Variants in APBB2 observed in about 807,000 individuals in gnomAD.
The protein encoded by APBB2 is Fe65-like 1.
In APBB2, 38 loss-of-function variants were observed where a neutral mutation model predicts 82.5. The ratio of observed to expected loss-of-function variants is 0.46; its 90% CI spans 0.36 to 0.60. The LOEUF is 0.60. Ranked by LOEUF, APBB2 falls within the 20% of genes least tolerant of loss-of-function variation. APBB2 has a pLI of 0.00. For missense variants in APBB2, 772 were observed against 972.3 expected, an observed-to-expected ratio of 0.79 and a Z score of 2.74; for synonymous variants, 341 against 368.2, an observed-to-expected ratio of 0.93 and a Z score of 0.85.
At chr4:41,171,822 G>A (rs1001762538) in intron 1 of APBB2, among the ~76,000 whole-genome samples, 74 of 151,938 alleles carry the variant, frequency 4.9e-4, no homozygotes, top group Admixed American at 2.2e-3. Context: ...TTAGCTGGGC[G>A]TGGTGGCAGC....
intron 1 of APBB2, among the ~76,000 whole-genome samples, chr4:41,185,873 T>C (rs1772754956): frequency 6.6e-6 from 1 of 152,160 alleles, no homozygotes; most frequent in Non-Finnish European, 1.5e-5. Context: ...TTTCATTTCT[T>C]TACACAGCAC....
intron 3 of APBB2, among the ~76,000 whole-genome samples, chr4:41,095,478 T>C (rs138263539): frequency 7.2e-5 from 11 of 152,324 alleles, no homozygotes; most frequent in South Asian, 4.1e-4. Flanking sequence ...AACGAGCCCA[T>C]TGACATACAG....
intron 12 of APBB2, among the ~76,000 whole-genome samples, chr4:40,867,873 T>A (rs1764426259): frequency 6.6e-6 from 1 of 152,026 alleles, no homozygotes; most frequent in African/African-American, 2.4e-5. Context: ...GCTTTTTTTT[T>A]TTTTTTTAAG....
At chr4:41,037,638 G>C (rs1380354490) in intron 4 of APBB2, among the ~76,000 whole-genome samples, 1 of 152,082 alleles carries the variant, frequency 6.6e-6, no homozygotes, top group African/African-American at 2.4e-5. Flanking sequence ...TTTTTAACGT[G>C]GTACTAGAAA....
intron 6 of APBB2, among the ~76,000 whole-genome samples, chr4:41,010,030 A>T (rs1807875117): frequency 6.6e-6 from 1 of 152,240 alleles, no homozygotes; most frequent in Non-Finnish European, 1.5e-5. Flanking sequence ...TCTATGTATT[A>T]CCTGAAACCT....
At chr4:41,159,955 G>GAGGAGA (rs1764534299) in intron 1 of APBB2, among the ~76,000 whole-genome samples, 3 of 48,788 alleles carry the variant, frequency 6.1e-5, no homozygotes, top group Admixed American at 2.3e-4. Flanking sequence ...GAAGGAGAAG[G>GAGGAGA]AGAAGGAGAA....
At position 41,179,707 on chromosome 4, in the gene APBB2, C is replaced by T. The variant is rs145939621; in HGVS notation, c.-417+34698G>A. ...ATGCAGAATTACTGCCGTATTAATA[C>T]TCCCTGAAGATAAATCACTAAAGAC... On this transcript the variant is annotated intron_variant, in intron 1 of 17. Coordinates refer to ENST00000508593, the MANE Select transcript of APBB2 (RefSeq NM_004307.2). Among the ~76,000 whole-genome samples the T allele has an allele frequency of 1.7e-3, 263 of 152,290 alleles. 1 individual carries two copies. Among genetic ancestry groups the T allele is most frequent in the African/African-American group, 6.2e-3 (257 of 41,554 alleles).
intron 1 of APBB2, among the ~76,000 whole-genome samples, chr4:41,180,614 C>T (rs911963655): frequency 6.6e-6 from 1 of 152,152 alleles, no homozygotes; most frequent in Non-Finnish European, 1.5e-5. Flanking sequence ...CACCACTACA[C>T]TCCAGCCTGG....
chr4:41,198,422 T>C, intron 1 of APBB2, among the ~76,000 whole-genome samples: 5 of 152,336 alleles, frequency 3.3e-5, no homozygotes, highest in African/African-American at 1.2e-4. Flanking sequence ...TTGAAACAAT[T>C]GGTTTTTGAA....
chr4:40,955,920 C>T (rs140212109), intron 6 of APBB2, among the ~76,000 whole-genome samples: 2,209 of 152,082 alleles, frequency 0.015, 57 homozygotes, highest in African/African-American at 0.051. Flanking sequence ...GGATTACAGG[C>T]GTGTGCCACC....
intron 2 of APBB2, among the ~76,000 whole-genome samples, chr4:41,112,851 G>T (rs1428784645): frequency 6.6e-6 from 1 of 152,148 alleles, no homozygotes; most frequent in Non-Finnish European, 1.5e-5. Context: ...GCCGGGTGTG[G>T]TGGCATGCAC....
chr4:41,047,096 A>G (rs574900546), intron 4 of APBB2, among the ~76,000 whole-genome samples: 1 of 152,356 alleles, frequency 6.6e-6, no homozygotes, highest in Non-Finnish European at 1.5e-5. Context: ...TTGTTTAAGT[A>G]GCTCCATTGC....
chr4:40,862,144 G>A (rs992449267), intron 12 of APBB2, among the ~76,000 whole-genome samples: 13 of 152,074 alleles, frequency 8.5e-5, no homozygotes, highest in African/African-American at 2.9e-4. Context: ...CTGATATAAC[G>A]TGCAACAGCC....
chr4:41,141,314 CTGTGTGTG>C (rs754627377), intron 2 of APBB2, among the ~76,000 whole-genome samples: 1 of 27,638 alleles, frequency 3.6e-5, no homozygotes, highest in Non-Finnish European at 7.9e-5. Context: ...ATGTGTGTGT[CTGTGTGTG>C]TGTGTGTGTC....
chr4:41,013,947 TCTC>T lies in APBB2; in HGVS notation c.468_470del (p.Arg157del). 2 of 1,614,148 alleles carry T rather than the reference TCTC, an allele frequency of 1.2e-6. No homozygotes were observed. Among genetic ancestry groups the T allele is most frequent in the Non-Finnish European group, 1.7e-6 (2 of 1,180,042 alleles). On this transcript the variant is annotated inframe_deletion, in exon 6 of 18. Transcript: ENST00000508593. Reference sequence around the variant, plus strand: ...CATAGTAATTTAGGAAGCTCTTAGTTCTCCTGGGCTGGGAGGGTAAAATCTCAC... The same window carrying T: ...CATAGTAATTTAGGAAGCTCTTAGTTCTGGGCTGGGAGGGTAAAATCTCAC...
intron 2 of APBB2, among the ~76,000 whole-genome samples, chr4:41,119,916 T>C (rs1752288493): frequency 6.6e-6 from 1 of 152,344 alleles, no homozygotes; most frequent in Admixed American, 6.5e-5. Context: ...ACAGATGCCA[T>C]TTGATAATAT....
intron 12 of APBB2, among the ~76,000 whole-genome samples, chr4:40,851,739 T>TATATATATATATA (rs57639176): frequency 5.8e-5 from 2 of 34,776 alleles, no homozygotes; most frequent in African/African-American, 1.7e-4. Flanking sequence ...TATATATATA[T>TATATATATATATA]TTTTTTTTTT....
At chr4:41,036,041 C>T (rs543721798) in intron 4 of APBB2, among the ~76,000 whole-genome samples, 147 of 152,074 alleles carry the variant, frequency 9.7e-4, no homozygotes, top group Non-Finnish European at 1.7e-3. Context: ...CACTTGTATC[C>T]CAGCTACTCA....
intron 6 of APBB2, among the ~76,000 whole-genome samples, chr4:40,996,092 A>G (rs2154416246): frequency 6.6e-6 from 1 of 152,314 alleles, no homozygotes; most frequent in East Asian, 1.9e-4. Flanking sequence ...TCAGTTTGTG[A>G]GTGCTCAAGC....
Sources: gnomAD v4.1 joint callset for allele counts (sites outside exome capture counted in the v4.1 genomes callset) on GRCh38, gnomAD v4.1.1 for gene constraint, MANE v1.5 for transcripts, NCBI Gene and HGNC (gene_info 2026-07-23, HGNC 2026-07-21) for gene names.